Variants in AKAP6 observed in about 807,000 individuals in gnomAD.
AKAP6 encodes A-kinase anchoring protein 6, also known as A-kinase anchor protein 6.
In AKAP6, 58 loss-of-function variants were observed where a neutral mutation model predicts 188.5. That is an observed-to-expected ratio of 0.31 (90% CI 0.25 to 0.38). The LOEUF (loss-of-function observed/expected upper bound fraction) is 0.38, where lower values mean the gene tolerates loss of function less well. Ranked by LOEUF, AKAP6 falls within the 10% of genes least tolerant of loss-of-function variation. The pLI is 1.00. For synonymous variants in AKAP6, 989 were observed against 998.6 expected (o/e 0.99, Z 0.18); for missense variants, 2,710 against 2,740.0 (o/e 0.99, Z 0.24).
At chr14:32,403,745 C>T (rs1889175418) in intron 1 of AKAP6, among the ~76,000 whole-genome samples, 1 of 152,172 alleles carries the variant, frequency 6.6e-6, no homozygotes, top group Non-Finnish European at 1.5e-5. Context: ...TAACAGTAAA[C>T]ATAATGTAAG....
chr14:32,470,591 G>A (rs1360819102), intron 2 of AKAP6, among the ~76,000 whole-genome samples: 2 of 152,150 alleles, frequency 1.3e-5, no homozygotes, highest in Non-Finnish European at 2.9e-5. Context: ...ATTTAAAGCA[G>A]CTGAGAGGAA....
At chr14:32,476,066 T>C (rs1349771695) in intron 2 of AKAP6, among the ~76,000 whole-genome samples, 1 of 152,176 alleles carries the variant, frequency 6.6e-6, no homozygotes, top group Non-Finnish European at 1.5e-5. Flanking sequence ...TTATTATCTA[T>C]TTGGTACCTT....
intron 2 of AKAP6, among the ~76,000 whole-genome samples, chr14:32,459,402 A>C (rs892304899): frequency 5.3e-5 from 8 of 152,158 alleles, no homozygotes; most frequent in African/African-American, 1.9e-4. Context: ...AATAAATAAT[A>C]AAGGGATAAG....
At chr14:32,818,039 T>C (rs1041878591) in intron 12 of AKAP6, among the ~76,000 whole-genome samples, 4 of 152,172 alleles carry the variant, frequency 2.6e-5, no homozygotes, top group African/African-American at 9.7e-5. Context: ...GGAGATTTTA[T>C]TGAAAATATT....
chr14:32,568,957 T>C lies in AKAP6; in HGVS notation c.2347-8163T>C, dbSNP rs1433288053. On this transcript the variant is annotated intron_variant, in intron 4 of 13. Transcript: ENST00000280979. The surrounding 1 kb of genome is among the most constrained non-coding windows in gnomAD (Gnocchi z 6.2). ...TAGAATGACTGATAATTTCTTTTTA[T>C]AAACCCATAGGGAGCAACTGAATTC... 6.6e-6 allele frequency among the ~76,000 whole-genome samples: 1 copy of C among 152,208 alleles called. No individual in the cohort carries two copies. Among genetic ancestry groups the C allele is most frequent in the Non-Finnish European group, 1.5e-5 (1 of 68,024 alleles).
intron 3 of AKAP6, among the ~76,000 whole-genome samples, chr14:32,541,137 G>A (rs554278451): frequency 2.0e-5 from 3 of 152,138 alleles, no homozygotes; most frequent in East Asian, 3.9e-4. Context: ...TGGTTAAGAT[G>A]GTATTTACTC....
At chr14:32,486,473 G>T (rs892882835) in intron 2 of AKAP6, among the ~76,000 whole-genome samples, 1 of 152,130 alleles carries the variant, frequency 6.6e-6, no homozygotes, top group Non-Finnish European at 1.5e-5. Context: ...CCATTTGTTT[G>T]TGTTGTATCT....
intron 7 of AKAP6, among the ~76,000 whole-genome samples, chr14:32,652,350 A>T (rs1359342081): frequency 6.6e-6 from 1 of 151,812 alleles, no homozygotes; most frequent in Admixed American, 6.6e-5. Context: ...TGGCCTGATT[A>T]TGTTTTTCTA....
In AKAP6 at chr14:32,503,836, GTTTTGTCTGACTA is replaced by G. The variant is rs1448134313; in HGVS notation, c.325-31715_325-31703del. The stretch of plus-strand genomic sequence containing the variant: ...GGTTGCCCTTATTGCCCTTTTTTCA[GTTTTGTCTGACTA>G]TTCCTATTGTCCATTTTTTTGTTAG... On this transcript the variant is annotated intron_variant, in intron 2 of 13. Transcript: ENST00000280979. 6.6e-5 allele frequency among the ~76,000 whole-genome samples: 10 copies of G among 151,528 alleles called. No homozygotes were observed. In the South Asian group the frequency reaches 1.9e-3, roughly 28 times the overall value.
intron 11 of AKAP6, among the ~76,000 whole-genome samples, chr14:32,736,423 C>T (rs900455177): frequency 1.5e-4 from 23 of 152,230 alleles, no homozygotes; most frequent in Admixed American, 1.4e-3. Flanking sequence ...ATACAATATT[C>T]ATTTTCACTG....
intron 5 of AKAP6, among the ~76,000 whole-genome samples, chr14:32,587,882 A>C (rs1174802256): frequency 6.6e-6 from 1 of 152,176 alleles, no homozygotes; most frequent in African/African-American, 2.4e-5. Context: ...AAACCAGGTA[A>C]CGTGATATTA....
intron 9 of AKAP6, among the ~76,000 whole-genome samples, chr14:32,731,696 A>AGTTAT (rs2031183384): frequency 6.6e-6 from 1 of 152,130 alleles, no homozygotes; most frequent in Admixed American, 6.6e-5. Flanking sequence ...ATAATATAGG[A>AGTTAT]CTAACTATGG....
chr14:32,404,099 A>G (rs1269114911), intron 1 of AKAP6, among the ~76,000 whole-genome samples: 1 of 152,328 alleles, frequency 6.6e-6, no homozygotes, highest in African/African-American at 2.4e-5. Context: ...TTATCCCATG[A>G]AATATTTTTT....
rs573737790 is a variant in AKAP6 at position 32,441,566 on chromosome 14, A to G, written c.324+7749A>G. Among the ~76,000 whole-genome samples, 25 of 152,290 alleles carry G rather than the reference A, an allele frequency of 1.6e-4. No individual in the cohort carries two copies. The South Asian group carries it at 5.2e-3, about 32-fold the overall frequency. On this transcript the variant is annotated intron_variant, in intron 2 of 13. Coordinates refer to ENST00000280979, the MANE Select transcript of AKAP6 (RefSeq NM_004274.5). The stretch of plus-strand genomic sequence containing the variant: ...TCATCATGATTTGGGGAGATGATAT[A>G]AGCCTCAGACCTAGCACCTGTTTTG...
At chr14:32,615,854 A>T (rs1381217448) in intron 7 of AKAP6, among the ~76,000 whole-genome samples, 4 of 152,120 alleles carry the variant, frequency 2.6e-5, no homozygotes, top group African/African-American at 7.2e-5. Flanking sequence ...TCGGCCTCCC[A>T]AAGTGCTGGG....
chr14:32,670,361 G>C, intron 7 of AKAP6, among the ~76,000 whole-genome samples: 1 of 151,198 alleles, frequency 6.6e-6, no homozygotes, highest in East Asian at 2.0e-4. Context: ...GAAGTCCTTG[G>C]GAGGGTCCAT....
chr14:32,458,511 G>T (rs182120586), intron 2 of AKAP6, among the ~76,000 whole-genome samples: 1 of 151,946 alleles, frequency 6.6e-6, no homozygotes, highest in Non-Finnish European at 1.5e-5. Flanking sequence ...TGTAAATGTC[G>T]CTGAAAGTAT....
intron 12 of AKAP6, among the ~76,000 whole-genome samples, chr14:32,811,418 A>G (rs1326129735): frequency 6.6e-6 from 1 of 152,090 alleles, no homozygotes; most frequent in Admixed American, 6.5e-5. Context: ...AGAGGAGCAA[A>G]CAAGAACAGT....
chr14:32,800,239 T>C (rs1370136921), intron 12 of AKAP6, among the ~76,000 whole-genome samples: 1 of 147,600 alleles, frequency 6.8e-6, no homozygotes, highest in Non-Finnish European at 1.5e-5. Context: ...TACAAAAATA[T>C]ATATATACAA....
Sources: gnomAD v4.1 joint callset for allele counts (sites outside exome capture counted in the v4.1 genomes callset) on GRCh38, gnomAD v4.1.1 for gene constraint, Gnocchi (gnomAD v3.1) non-coding constraint, MANE v1.5 for transcripts, NCBI Gene and HGNC (gene_info 2026-07-23, HGNC 2026-07-21) for gene names.